Variants in TNKS observed in about 807,000 individuals in gnomAD.
The protein encoded by TNKS is tankyrase, also known as poly [ADP-ribose] polymerase tankyrase-1.
A neutral mutation model predicts 135.8 loss-of-function variants in TNKS; 72 were observed. The observed-to-expected ratio is 0.53, with a 90% CI of 0.44 to 0.64. The LOEUF (loss-of-function observed/expected upper bound fraction) is 0.64, where lower values mean the gene tolerates loss of function less well. Among genes scored for constraint, TNKS ranks in the 30% least tolerant of loss-of-function variants. TNKS has a pLI of 0.00. For synonymous variants in TNKS, 849 were observed against 649.3 expected (o/e 1.31, Z -4.68); for missense variants, 1,769 against 1,674.0 (o/e 1.06, Z -0.99).
In TNKS at chr8:9,680,782, T is replaced by C. The variant is rs751551431; in HGVS notation, c.1089T>C (p.His363=). The change falls in exon 5 of 27, where the codon CAT becomes CAC. Residue 363 remains histidine (H), a synonymous_variant. Coordinates refer to ENST00000310430, the MANE Select transcript of TNKS (RefSeq NM_003747.3). ...TGACTCCTCTAAATGTGAATTGCCA[T>C]GCAAGTGATGGGCGAAAGGTAAGTT... The part of the protein sequence containing the change: ...ALLTPLNVNC[H]ASDGRKSTPL... 1.1e-5 allele frequency: 17 copies of C among 1,612,316 alleles called. No homozygotes were observed. In the South Asian group the frequency reaches 1.5e-4, roughly 15 times the overall value.
At chr8:9,680,697 G>C in intron 4 of TNKS, 28 bp from the exon 5 acceptor site, 1 of 1,499,352 alleles carries the variant, frequency 6.7e-7, no homozygotes, top group Non-Finnish European at 9.2e-7. Flanking sequence ...TGTAATTTTA[G>C]AGGAATTGAC....
intron 5 of TNKS, among the ~76,000 whole-genome samples, chr8:9,687,812 A>C (rs1350660459): frequency 1.3e-5 from 2 of 152,218 alleles, no homozygotes; most frequent in Admixed American, 6.5e-5. Flanking sequence ...TTTGGCCGTG[A>C]GTGTGAGTCA....
rs916280813 is a variant in TNKS at position 9,778,749 on chromosome 8, G to C, written c.*2013G>C. On this transcript the variant is annotated 3_prime_UTR_variant, in exon 27 of 27. Coordinates refer to ENST00000310430, the MANE Select transcript of TNKS (RefSeq NM_003747.3). ...GAAATTGCCATCTGTGTAGTTTTCA[G>C]TAGCTGTCAAGTGTGTCTTACTTAC... is the stretch of plus-strand genomic sequence containing the variant. The C allele has an allele frequency of 6.6e-6, 1 of 152,316 alleles. No homozygotes were observed. The highest frequency in any genetic ancestry group is 6.5e-5 in the Admixed American group (1 of 15,272). 9.4% of individuals were successfully genotyped at this position (152,316 alleles called of 1,614,324 possible).
At chr8:9,731,684 T>A (rs1041834741) in intron 14 of TNKS, among the ~76,000 whole-genome samples, 2 of 152,158 alleles carry the variant, frequency 1.3e-5, no homozygotes, top group Non-Finnish European at 2.9e-5. Flanking sequence ...GCAGTTTACT[T>A]TTTTCCACTC....
chr8:9,615,410 C>G (rs1799601977), intron 2 of TNKS, 172 bp from the exon 3 acceptor site: 2 of 494,556 alleles, frequency 4.0e-6, no homozygotes, highest in African/African-American at 2.0e-5. Flanking sequence ...TCATTTCACT[C>G]TAGAGAGGCT....
intron 5 of TNKS, among the ~76,000 whole-genome samples, chr8:9,682,127 T>G (rs1311502364): frequency 6.6e-6 from 1 of 152,116 alleles, no homozygotes. Context: ...AACTCCAGAT[T>G]TTATTTGGAT....
chr8:9,708,469 C>T lies in TNKS; in HGVS notation c.1555C>T (p.Pro519Ser), dbSNP rs996657468. ...LALEIINFKQ[P>S]QSHETALHCA... ...TCTGGAAATCATTAATTTCAAACAA[C>T]CGCAGTCTCATGAAACAGCACTGGT... is the stretch of plus-strand genomic sequence containing the variant. Residue 519 changes from proline to serine, a missense_variant, in exon 9 of 27, where the codon CCG (proline) becomes TCG (serine). By Grantham distance (74) the Pro-to-Ser change is moderately conservative. Transcript: ENST00000310430. 6 of 1,606,910 alleles carry T rather than the reference C, an allele frequency of 3.7e-6. No homozygotes were observed. The highest frequency in any genetic ancestry group is 1.7e-4 in the Middle Eastern group (1 of 5,750).
chr8:9,768,834 A>G (rs1197066901), intron 25 of TNKS, among the ~76,000 whole-genome samples: 1 of 152,242 alleles, frequency 6.6e-6, no homozygotes. Context: ...AGACCAAGCC[A>G]GCATCCCAGA....
chr8:9,583,961 G>A (rs1798269479), intron 2 of TNKS, among the ~76,000 whole-genome samples: 2 of 151,670 alleles, frequency 1.3e-5, no homozygotes, highest in African/African-American at 2.4e-5. Flanking sequence ...TCAGGAGATT[G>A]AGACCATCCT....
chr8:9,601,912 A>C (rs951988198), intron 2 of TNKS, among the ~76,000 whole-genome samples: 4 of 152,174 alleles, frequency 2.6e-5, no homozygotes, highest in African/African-American at 9.7e-5. Flanking sequence ...GCAGTAGCCC[A>C]ATATATAAAA....
chr8:9,765,783 G>T lies in TNKS; in HGVS notation c.3539G>T (p.Arg1180Leu). 1 of 1,613,790 alleles carries T rather than the reference G, an allele frequency of 6.2e-7. No homozygotes were observed. Among genetic ancestry groups the T allele is most frequent in the Non-Finnish European group, 8.5e-7 (1 of 1,179,772 alleles). The change falls in exon 24 of 27, where the codon CGC becomes CTC. Residue 1180 changes from arginine to leucine, a missense_variant. This residue lies in a region of TNKS where 722 missense variants were observed against 688.9 expected (regional missense o/e 1.05). Transcript: ENST00000310430. Reference protein sequence around the residue: ...SEENHNHHNERMLFHGSPFIN... With the variant: ...SEENHNHHNELMLFHGSPFIN... Reference sequence around the variant, plus strand: ...GAGAATCACAACCATCACAATGAGCGCATGTTGTTTCATGGTAAGCAGCGT... The same window carrying T: ...GAGAATCACAACCATCACAATGAGCTCATGTTGTTTCATGGTAAGCAGCGT...
chr8:9,631,911 A>G (rs775987259), intron 3 of TNKS, among the ~76,000 whole-genome samples: 4 of 152,290 alleles, frequency 2.6e-5, no homozygotes, highest in Non-Finnish European at 4.4e-5. Flanking sequence ...CGTATGGGGA[A>G]AGAGGAGATT....
chr8:9,709,933 C>T lies in TNKS; in HGVS notation c.1579-22C>T, dbSNP rs374169080. On this transcript the variant is annotated intron_variant, in intron 9 of 26. Transcript: ENST00000310430. ...TACATATGGAAGTGTATTTTATTAA[C>T]TTGGTTTTGTTTACTTTATAGCACT... 3.5e-5 allele frequency: 55 copies of T among 1,592,418 alleles called. No homozygotes were observed. The East Asian group carries it at 6.0e-4, about 17-fold the overall frequency.
At chr8:9,707,052 G>C (rs1473234187) in intron 8 of TNKS, 55 bp downstream of exon 8, 1 of 1,434,096 alleles carries the variant, frequency 7.0e-7, no homozygotes, top group African/African-American at 1.4e-5. Context: ...TTTAATTTCT[G>C]TTGAGTTTTA....
chr8:9,735,176 G>A (rs1805633969), intron 16 of TNKS, 92 bp downstream of exon 16: 2 of 1,303,316 alleles, frequency 1.5e-6, no homozygotes, highest in Admixed American at 2.6e-5. Flanking sequence ...GAACACAAAT[G>A]GGACTACTTA....
Position 9,773,740 on chromosome 8 carries a change from A to AAAAAAAAAATGCCTG in TNKS, c.3898-2908_3898-2907insAAAAAAATGCCTGAA, listed in dbSNP as rs1808074752. Reference sequence around the variant, plus strand: ...TATTTGAAAGAAAAAAAAAATGCCTAAATAAAAAAATGCACTCAGCATTTA... The same window carrying AAAAAAAAAATGCCTG: ...TATTTGAAAGAAAAAAAAAATGCCTAAAAAAAAAATGCCTGAATAAAAAAATGCACTCAGCATTTA... On this transcript the variant is annotated intron_variant, in intron 26 of 26. Transcript: ENST00000310430. Among the ~76,000 whole-genome samples, 8 of 152,198 alleles carry AAAAAAAAAATGCCTG rather than the reference A, an allele frequency of 5.3e-5. No individual in the cohort carries two copies. The South Asian group carries it at 1.7e-3, about 32-fold the overall frequency.
intron 2 of TNKS, among the ~76,000 whole-genome samples, chr8:9,612,466 A>G (rs934061866): frequency 6.6e-5 from 10 of 152,306 alleles, no homozygotes; most frequent in Middle Eastern, 3.4e-3. Flanking sequence ...GCCCAGGGTC[A>G]GGGGTCAGCA....
intron 3 of TNKS, among the ~76,000 whole-genome samples, chr8:9,667,709 T>C (rs1199381345): frequency 1.3e-5 from 2 of 152,194 alleles, no homozygotes; most frequent in African/African-American, 4.8e-5. Flanking sequence ...ATTTACTTCT[T>C]CAGCTGCACA....
intron 20 of TNKS, among the ~76,000 whole-genome samples, chr8:9,757,930 C>T (rs1185245914): frequency 6.6e-6 from 1 of 152,172 alleles, no homozygotes; most frequent in African/African-American, 2.4e-5. Flanking sequence ...GTGGCCACTG[C>T]CTGATAGATA....
Sources: gnomAD v4.1 joint callset for allele counts (sites outside exome capture counted in the v4.1 genomes callset) on GRCh38, gnomAD v4.1.1 for gene constraint, gnomAD v4.1.1 regional missense constraint, MANE v1.5 for transcripts, NCBI Gene and HGNC (gene_info 2026-07-23, HGNC 2026-07-21) for gene names.